The following DNAH11 variants were observed in gnomAD, a reference collection of about 807,000 sequenced individuals.
DNAH11 encodes dynein axonemal heavy chain 11.
Under a neutral mutation model 526.0 loss-of-function variants are expected in DNAH11, and 442 were observed. The ratio of observed to expected loss-of-function variants is 0.84; its 90% CI spans 0.78 to 0.91. The LOEUF is 0.91. Ranked by LOEUF, DNAH11 falls within the 40% of genes least tolerant of loss-of-function variation. DNAH11 has a pLI of 0.00. For missense variants in DNAH11, 6,989 were observed against 5,448.7 expected (o/e 1.28, Z -8.90); for synonymous variants, 2,461 against 1,935.9 (o/e 1.27, Z -7.12).
At chr7:21,853,594 G>A (rs927200224) in intron 67 of DNAH11, among the ~76,000 whole-genome samples, 1 of 152,086 alleles carries the variant, frequency 6.6e-6, no homozygotes, top group Non-Finnish European at 1.5e-5. Flanking sequence ...CAAATATTAT[G>A]AGTCAACTCT....
At position 21,729,223 on chromosome 7, in the gene DNAH11, TAAG is replaced by T. The variant is rs764724344; in HGVS notation, c.7440+3243_7440+3245del. Among the ~76,000 whole-genome samples, 39 of 152,364 alleles carry T rather than the reference TAAG, an allele frequency of 2.6e-4. No individual in the cohort carries two copies. The Middle Eastern group carries it at 0.017, about 66-fold the overall frequency. ...CTAAATTGTCTTGTCCTGTAGAATCTAAGAAGTCTTACCATCCTTCATTTTGTC... is the reference window on the plus strand; with the variant it reads ...CTAAATTGTCTTGTCCTGTAGAATCTAAGTCTTACCATCCTTCATTTTGTC... On this transcript the variant is annotated intron_variant, in intron 45 of 81. Transcript: ENST00000409508.
intron 65 of DNAH11, among the ~76,000 whole-genome samples, chr7:21,826,120 A>G (rs1224128516): frequency 1.3e-5 from 2 of 152,218 alleles, no homozygotes; most frequent in East Asian, 3.8e-4. Context: ...CCACCACACA[A>G]TATATCCAGG....
intron 54 of DNAH11, among the ~76,000 whole-genome samples, chr7:21,758,962 G>A (rs1035471176): frequency 6.6e-6 from 1 of 152,156 alleles, no homozygotes; most frequent in South Asian, 2.1e-4. Flanking sequence ...CAGAAACTTG[G>A]CATGACACAA....
intron 65 of DNAH11, among the ~76,000 whole-genome samples, chr7:21,835,412 A>C (rs1275187694): frequency 2.0e-5 from 3 of 152,166 alleles, no homozygotes; most frequent in Non-Finnish European, 4.4e-5. Flanking sequence ...AAGATCATTC[A>C]CTATGACCAA....
intron 2 of DNAH11, among the ~76,000 whole-genome samples, chr7:21,546,293 C>T (rs1252528929): frequency 6.6e-6 from 1 of 152,206 alleles, no homozygotes; most frequent in African/African-American, 2.4e-5. Flanking sequence ...CTGGGTTTCC[C>T]TTCGCTCCTG....
intron 44 of DNAH11, among the ~76,000 whole-genome samples, chr7:21,722,583 A>G (rs548912334): frequency 3.3e-5 from 5 of 152,222 alleles, no homozygotes; most frequent in Admixed American, 6.5e-5. Context: ...TTATAATAAT[A>G]TAGTTGGAAT....
At chr7:21,578,568 G>A (rs1784189405) in intron 8 of DNAH11, among the ~76,000 whole-genome samples, 2 of 152,178 alleles carry the variant, frequency 1.3e-5, no homozygotes, top group Non-Finnish European at 2.9e-5. Context: ...GGGTCTGGAG[G>A]ACAGTGACCC....
At chr7:21,588,243 A>AG in intron 10 of DNAH11, 42 bp downstream of exon 10, 1 of 1,581,464 alleles carries the variant, frequency 6.3e-7, no homozygotes, top group Non-Finnish European at 8.6e-7. Flanking sequence ...AATATCATTT[A>AG]GGCGGATAAT....
chr7:21,630,174 AAAC>A (rs1562713790), intron 25 of DNAH11, among the ~76,000 whole-genome samples: 1 of 152,104 alleles, frequency 6.6e-6, no homozygotes, highest in Non-Finnish European at 1.5e-5. Flanking sequence ...AAAGAAAAAA[AAAC>A]CCAAAGAAAA....
Position 21,710,064 on chromosome 7 carries a change from C to G in DNAH11, c.6684-489C>G, listed in dbSNP as rs530294083. On this transcript the variant is annotated intron_variant, in intron 40 of 81. Coordinates refer to ENST00000409508, the MANE Select transcript of DNAH11 (RefSeq NM_001277115.2). ...TGTTAAGGAATGATGAGTTAGTATC[C>G]CAGTGAACACATTTCTGTAAGAGAT... Among the ~76,000 whole-genome samples, 21 of 152,080 alleles carry G rather than the reference C, an allele frequency of 1.4e-4. No individual in the cohort carries two copies. The East Asian group carries it at 4.1e-3, about 29-fold the overall frequency.
chr7:21,855,160 T>C (rs945493746), intron 68 of DNAH11, among the ~76,000 whole-genome samples: 7 of 151,574 alleles, frequency 4.6e-5, no homozygotes, highest in African/African-American at 1.7e-4. Context: ...GCCTCCTGAG[T>C]AGCTGGGACT....
rs370392488 is a variant in DNAH11, at chr7:21,582,484, A to G, written c.1710+463A>G. Among the ~76,000 whole-genome samples the G allele has an allele frequency of 5.3e-5, 8 of 152,310 alleles. No individual in the cohort carries two copies. In the East Asian group the frequency reaches 1.5e-3, roughly 29 times the overall value. ...GACATCATTGATTATCAGACACACC[A>G]TTATTTTGTGTAACAATAAAAAATG... On this transcript the variant is annotated intron_variant, in intron 9 of 81. Coordinates refer to ENST00000409508, the MANE Select transcript of DNAH11 (RefSeq NM_001277115.2).
chr7:21,578,124 C>G (rs1014822221), intron 8 of DNAH11, among the ~76,000 whole-genome samples: 1 of 152,144 alleles, frequency 6.6e-6, no homozygotes, highest in Non-Finnish European at 1.5e-5. Flanking sequence ...GTGCCACATA[C>G]TTTTAAACCA....
At chr7:21,550,633 G>T (rs1032224091) in intron 2 of DNAH11, among the ~76,000 whole-genome samples, 1 of 152,104 alleles carries the variant, frequency 6.6e-6, no homozygotes, top group African/African-American at 2.4e-5. Flanking sequence ...AGAGGAAGGG[G>T]GATGCCAAGG....
intron 53 of DNAH11, among the ~76,000 whole-genome samples, 197 bp from the exon 54 acceptor site, chr7:21,750,025 A>G (rs1004719546): frequency 6.6e-6 from 1 of 152,228 alleles, no homozygotes; most frequent in Non-Finnish European, 1.5e-5. Flanking sequence ...GTACGGGTGT[A>G]GAGGGTGTGT....
chr7:21,782,069 G>C (rs141323647), intron 57 of DNAH11, among the ~76,000 whole-genome samples: 2 of 152,188 alleles, frequency 1.3e-5, no homozygotes, highest in East Asian at 3.9e-4. Flanking sequence ...GGTGAGCTTG[G>C]GTCTTCAAAA....
chr7:21,735,948 T>C (rs1785591554), intron 46 of DNAH11, 104 bp downstream of exon 46: 1 of 1,078,782 alleles, frequency 9.3e-7, no homozygotes. Flanking sequence ...AATTTAGAGT[T>C]GTTGCTTGGG....
At chr7:21,569,234 TGAA>T (rs1161249869) in intron 6 of DNAH11, among the ~76,000 whole-genome samples, 19 of 152,168 alleles carry the variant, frequency 1.2e-4, no homozygotes, top group Non-Finnish European at 2.4e-4. Flanking sequence ...ATTGACATCT[TGAA>T]CAACATTCTA....
At chr7:21,624,571 A>G (rs550742795) in intron 25 of DNAH11, among the ~76,000 whole-genome samples, 1 of 152,280 alleles carries the variant, frequency 6.6e-6, no homozygotes, top group South Asian at 2.1e-4. Context: ...TGCTCTGGCT[A>G]GAACTTCCAG....
Sources: gnomAD v4.1 joint callset for allele counts (sites outside exome capture counted in the v4.1 genomes callset) on GRCh38, gnomAD v4.1.1 for gene constraint, MANE v1.5 for transcripts, NCBI Gene and HGNC (gene_info 2026-07-23, HGNC 2026-07-21) for gene names.